The following MOV10L1 variants were observed in gnomAD, a reference collection of about 807,000 sequenced individuals.
The protein encoded by MOV10L1 is RNA helicase Mov10l1.
In MOV10L1, 110 loss-of-function variants were observed where a neutral mutation model predicts 143.8. The observed-to-expected ratio is 0.76, with a 90% CI of 0.66 to 0.90. MOV10L1 has a LOEUF of 0.90. Among genes scored for constraint, MOV10L1 ranks in the 40% least tolerant of loss-of-function variants. The pLI is 0.00. For synonymous variants in MOV10L1, 593 were observed against 581.1 expected (o/e 1.02, Z -0.29); for missense variants, 1,406 against 1,526.8 (o/e 0.92, Z 1.32).
chr22:50,149,828 C>G, intron 20 of MOV10L1, 114 bp downstream of exon 20: 1 of 898,598 alleles, frequency 1.1e-6, no homozygotes, highest in Non-Finnish European at 1.7e-6. Context: ...GGTGGAAGTG[C>G]CAAGGACCCC....
chr22:50,120,336 G>A (rs565396849), intron 9 of MOV10L1, among the ~76,000 whole-genome samples, 166 bp from the exon 10 acceptor site: 3 of 152,282 alleles, frequency 2.0e-5, no homozygotes, highest in Non-Finnish European at 2.9e-5. Flanking sequence ...GAGCTAAAAC[G>A]AAAGCTTCAA....
intron 22 of MOV10L1, among the ~76,000 whole-genome samples, chr22:50,157,735 A>G (rs1458149995): frequency 2.0e-5 from 3 of 149,666 alleles, no homozygotes; most frequent in African/African-American, 7.3e-5. Flanking sequence ...TCAAGATGAG[A>G]AGTAGCTATA....
chr22:50,108,299 C>T (rs776771511), intron 4 of MOV10L1, 51 bp downstream of exon 4: 8 of 1,513,704 alleles, frequency 5.3e-6, no homozygotes. Flanking sequence ...GACCTGCCAT[C>T]AGGGGTAACT....
At chr22:50,120,411 T>C in intron 9 of MOV10L1, 91 bp from the exon 10 acceptor site, 3 of 822,032 alleles carry the variant, frequency 3.6e-6, no homozygotes, top group Non-Finnish European at 4.0e-6. Context: ...ACTTTGGTCT[T>C]CCTAAAATAG....
At position 50,108,654 on chromosome 22, in the gene MOV10L1, C is replaced by T; in HGVS notation, c.556-3C>T. On this transcript the variant is annotated splice_region_variant and splice_polypyrimidine_tract_variant and intron_variant, in intron 4 of 26. Coordinates refer to ENST00000262794, the MANE Select transcript of MOV10L1 (RefSeq NM_018995.3). ...CCTGTGACGCTCAGCTCTCTGCTCC[C>T]AGGTCTGCATCTCTAGCCTCTGTGG... is the stretch of plus-strand genomic sequence containing the variant. 6.2e-7 allele frequency: 1 copy of T among 1,613,976 alleles called. No individual in the cohort carries two copies. Among genetic ancestry groups the T allele is most frequent in the Non-Finnish European group, 8.5e-7 (1 of 1,179,932 alleles).
At chr22:50,121,179 G>C (rs2062331933) in intron 10 of MOV10L1, among the ~76,000 whole-genome samples, 1 of 152,206 alleles carries the variant, frequency 6.6e-6, no homozygotes. Context: ...GAGGTGTTCT[G>C]AGAGTCCCCA....
At position 50,114,505 on chromosome 22, in the gene MOV10L1, G is replaced by A. The variant is rs1404861450; in HGVS notation, c.1009G>A (p.Val337Ile). The change falls in exon 7 of 27, where the codon GTT becomes ATT. Residue 337 changes from valine to isoleucine, a missense_variant. Around this residue, in one of 3 missense-constraint regions of MOV10L1, gnomAD observed 1,233 missense variants for 1,351.4 expected, o/e 0.91. Coordinates refer to ENST00000262794, the MANE Select transcript of MOV10L1 (RefSeq NM_018995.3). ...QMCPVVSFVS[V>I]PEKENSSDEN... is the part of the protein sequence containing the mutation. ...GTGCCCCGTGGTATCTTTTGTTTCTGTTCCTGAGAAGGAGAATTCATCAGA... is the reference window on the plus strand; with the variant it reads ...GTGCCCCGTGGTATCTTTTGTTTCTATTCCTGAGAAGGAGAATTCATCAGA... The A allele has an allele frequency of 6.2e-7, 1 of 1,614,152 alleles. No homozygotes were observed. The highest frequency in any genetic ancestry group is 8.5e-7 in the Non-Finnish European group (1 of 1,180,030).
intron 2 of MOV10L1, 80 bp downstream of exon 2, chr22:50,092,265 G>A: frequency 1.5e-6 from 2 of 1,301,012 alleles, no homozygotes; most frequent in South Asian, 2.7e-5. Flanking sequence ...TAATCTATCA[G>A]ACATGACCCG....
chr22:50,120,567 G>T lies in MOV10L1; in HGVS notation c.1520G>T (p.Cys507Phe). The change falls in exon 10 of 27, where the codon TGT (cysteine) becomes TTT (phenylalanine). Residue 507 changes from cysteine (C) to phenylalanine (F), a missense_variant. Cys to Phe is a radical substitution (Grantham distance 205). Transcript: ENST00000262794. Reference sequence around the variant, plus strand: ...CCAATCCCAGATAGACTTAGAAAATGTGTGGAACAAAAAATTGACATCCTG... The same window carrying T: ...CCAATCCCAGATAGACTTAGAAAATTTGTGGAACAAAAAATTGACATCCTG... Reference protein sequence around the residue: ...QYPIPDRLRKCVEQKIDILTF... With the variant: ...QYPIPDRLRKFVEQKIDILTF... 1 of 1,613,828 alleles carries T rather than the reference G, an allele frequency of 6.2e-7. No homozygotes were observed. The highest frequency in any genetic ancestry group is 8.5e-7 in the Non-Finnish European group (1 of 1,179,848).
chr22:50,155,686 A>G (rs1393207040), intron 22 of MOV10L1, among the ~76,000 whole-genome samples: 13 of 152,022 alleles, frequency 8.6e-5, no homozygotes, highest in African/African-American at 1.2e-4. Flanking sequence ...ATGTTGGCCC[A>G]GCTGGTCTCG....
chr22:50,093,665 T>C (rs1356331235), intron 2 of MOV10L1: 4 of 152,160 alleles, frequency 2.6e-5, no homozygotes, highest in African/African-American at 9.7e-5. Flanking sequence ...TACACCATCA[T>C]ACCTGACTAA....
Position 50,134,582 on chromosome 22 carries a change from G to C in MOV10L1, c.2022G>C (p.Trp674Cys). The stretch of plus-strand genomic sequence containing the variant: ...AGTCTCCACAAGTGACGGGAAATTG[G>C]AACCATGCACAAGACACCAAAAGCA... ...ILQSPQVTGNWNHAQDTKSSG... is the reference protein window; with the variant it reads ...ILQSPQVTGNCNHAQDTKSSG... Residue 674 changes from tryptophan (W) to cysteine (C), a missense_variant, in exon 15 of 27, where the codon TGG becomes TGC. By Grantham distance (215) the Trp-to-Cys change is radical. Coordinates refer to ENST00000262794, the MANE Select transcript of MOV10L1 (RefSeq NM_018995.3). 1 of 1,614,178 alleles carries C rather than the reference G, an allele frequency of 6.2e-7. No individual in the cohort carries two copies. Among genetic ancestry groups the C allele is most frequent in the Non-Finnish European group, 8.5e-7 (1 of 1,180,030 alleles).
intron 3 of MOV10L1, among the ~76,000 whole-genome samples, chr22:50,102,634 G>A (rs1315508359): frequency 1.3e-5 from 2 of 152,172 alleles, no homozygotes; most frequent in African/African-American, 2.4e-5. Flanking sequence ...TGGCACAGTG[G>A]CTCACACCTG....
chr22:50,120,846 G>T (rs2062320263), intron 10 of MOV10L1, among the ~76,000 whole-genome samples: 1 of 152,240 alleles, frequency 6.6e-6, no homozygotes. Context: ...CTCACTGGGG[G>T]TCACGCACAG....
chr22:50,125,083 C>A (rs945036958), intron 10 of MOV10L1, among the ~76,000 whole-genome samples: 3 of 152,214 alleles, frequency 2.0e-5, no homozygotes, highest in African/African-American at 7.2e-5. Flanking sequence ...TTCTGCCTTC[C>A]CAGAATTAAC....
In MOV10L1 at chr22:50,161,424, CAGAGA is replaced by C. The variant is rs749251281; in HGVS notation, c.3614_3618del (p.Glu1205AlafsTer11). The C allele has an allele frequency of 1.3e-6, 2 of 1,599,038 alleles. No homozygotes were observed. Among genetic ancestry groups the C allele is most frequent in the Non-Finnish European group, 1.7e-6 (2 of 1,172,996 alleles). The stretch of plus-strand genomic sequence containing the variant: ...CCAGTGGTGCCAGAATCCACAGGAC[CAGAGA>C]AGCATCAGGAGCCCAGCTGATCTGC... On this transcript the variant is annotated frameshift_variant, in exon 27 of 27. Coordinates refer to ENST00000262794, the MANE Select transcript of MOV10L1 (RefSeq NM_018995.3). LOFTEE classifies it low-confidence loss of function (END_TRUNC).
At chr22:50,101,629 A>G (rs2061747382) in intron 3 of MOV10L1, among the ~76,000 whole-genome samples, 1 of 151,502 alleles carries the variant, frequency 6.6e-6, no homozygotes, top group Non-Finnish European at 1.5e-5. Context: ...CTCTTGCCTC[A>G]GCTTCCTGAG....
At chr22:50,095,553 C>T (rs1408245700) in intron 2 of MOV10L1, 2 of 152,210 alleles carry the variant, frequency 1.3e-5, no homozygotes, top group African/African-American at 2.4e-5. Context: ...ACCTCATTCT[C>T]TGAGCTGTGG....
At chr22:50,138,255 C>T (rs192551088) in intron 15 of MOV10L1, among the ~76,000 whole-genome samples, 1 of 152,272 alleles carries the variant, frequency 6.6e-6, no homozygotes, top group African/African-American at 2.4e-5. Flanking sequence ...GCAGAAAGAA[C>T]AGGCATCCGC....
Sources: allele counts gnomAD v4.1 joint callset (sites outside exome capture counted in the v4.1 genomes callset), GRCh38; gene constraint gnomAD v4.1.1; regional missense constraint gnomAD v4.1.1; transcripts MANE v1.5; gene names NCBI Gene and HGNC (gene_info 2026-07-23, HGNC 2026-07-21).